SYNE1: variants seen among roughly 807,000 people sequenced by gnomAD.
The protein encoded by SYNE1 is spectrin repeat containing nuclear envelope protein 1, also known as nesprin-1.
SYNE1 carries 616 observed loss-of-function variants against 1,111.0 expected under a neutral mutation model. That is an observed-to-expected ratio of 0.55 (90% CI 0.52 to 0.59). The LOEUF is 0.59. Among genes scored for constraint, SYNE1 ranks in the 20% least tolerant of loss-of-function variants. The pLI, the probability that SYNE1 is intolerant of heterozygous loss-of-function variation, is 0.00. For synonymous variants in SYNE1, 3,855 were observed against 3,825.8 expected, an observed-to-expected ratio of 1.01 and a Z score of -0.28; for missense variants, 10,006 against 10,417.0, an observed-to-expected ratio of 0.96 and a Z score of 1.72.
intron 3 of SYNE1, among the ~76,000 whole-genome samples, chr6:152,621,927 A>G (rs2099676342): frequency 6.6e-6 from 1 of 152,214 alleles, no homozygotes; most frequent in South Asian, 2.1e-4. Flanking sequence ...AAATTCAGAT[A>G]CACATTCTTC....
chr6:152,313,079 C>G (rs1030971984), intron 87 of SYNE1, among the ~76,000 whole-genome samples: 1 of 152,064 alleles, frequency 6.6e-6, no homozygotes, highest in Non-Finnish European at 1.5e-5. Context: ...TATAAGACAA[C>G]AAAGCAAAAA....
At position 152,417,022 on chromosome 6, in the gene SYNE1, G is replaced by C. The variant is rs757136765; in HGVS notation, c.5422-7C>G. 6.2e-7 allele frequency: 1 copy of C among 1,613,774 alleles called. No individual in the cohort carries two copies. Among genetic ancestry groups the C allele is most frequent in the Admixed American group, 1.7e-5 (1 of 60,026 alleles). ...CTACTTCTGCTGCGTGGTCCTGGAA[G>C]GGAAGAGAGAGTTATTGATTCCTGA... On this transcript the variant is annotated splice_polypyrimidine_tract_variant and splice_region_variant and intron_variant, in intron 40 of 145. Transcript: ENST00000367255.
At chr6:152,597,710 T>C (rs1203505159) in intron 3 of SYNE1, among the ~76,000 whole-genome samples, 1 of 152,174 alleles carries the variant, frequency 6.6e-6, no homozygotes, top group African/African-American at 2.4e-5. Flanking sequence ...TGTAATGAAT[T>C]CTTTCTTTTG....
chr6:152,325,210 G>A lies in SYNE1; in HGVS notation c.15531C>T (p.Ser5177=). ...SQLEKTGNDA[S]KATLSRSMTT... ...TCATTGACCTGCTCAGGGTGGCTTT[G>A]CTGGCATCATTTCCGGTTTTCTCCA... The change falls in exon 81 of 146, where the codon AGC becomes AGT. Residue 5177 remains serine, a synonymous_variant. Coordinates refer to ENST00000367255, the MANE Select transcript of SYNE1 (RefSeq NM_182961.4). The A allele has an allele frequency of 6.2e-7, 1 of 1,614,154 alleles. No homozygotes were observed. Among genetic ancestry groups the A allele is most frequent in the Non-Finnish European group, 8.5e-7 (1 of 1,180,038 alleles).
chr6:152,625,363 A>G (rs1247396910), intron 3 of SYNE1, among the ~76,000 whole-genome samples: 1 of 152,228 alleles, frequency 6.6e-6, no homozygotes, highest in African/African-American at 2.4e-5. Flanking sequence ...CAACTGAATC[A>G]GCAGAATTAA....
chr6:152,386,761 T>A (rs190547020), intron 54 of SYNE1, among the ~76,000 whole-genome samples: 1 of 151,974 alleles, frequency 6.6e-6, no homozygotes, highest in African/African-American at 2.4e-5. Context: ...AAAACAACTT[T>A]AACGGCGACA....
chr6:152,299,911 G>T (rs902146550), intron 93 of SYNE1, among the ~76,000 whole-genome samples: 2 of 151,954 alleles, frequency 1.3e-5, no homozygotes, highest in Admixed American at 6.6e-5. Context: ...AAAAAATAAA[G>T]TATTACTTAA....
At chr6:152,278,456 A>G (rs749858034) in intron 97 of SYNE1, among the ~76,000 whole-genome samples, 176 bp from the exon 98 acceptor site, 25 of 150,668 alleles carry the variant, frequency 1.7e-4, no homozygotes, top group Non-Finnish European at 3.3e-4. Context: ...TTTTTTTTAT[A>G]TTTTTTAATT....
chr6:152,368,902 C>A lies in SYNE1; in HGVS notation c.9807+70G>T, dbSNP rs562196291. On this transcript the variant is annotated intron_variant, in intron 61 of 145. Coordinates refer to ENST00000367255, the MANE Select transcript of SYNE1 (RefSeq NM_182961.4). ...GGGTCAGGATGCAATGCACACCCTG[C>A]AGAACCTGCTGCAACTCCAATTTTG... 1.0e-5 allele frequency: 16 copies of A among 1,607,670 alleles called. No individual in the cohort carries two copies. The African/African-American group carries it at 2.1e-4, about 21-fold the overall frequency.
intron 20 of SYNE1, 24 bp downstream of exon 20, chr6:152,462,714 C>T: frequency 1.9e-6 from 3 of 1,613,798 alleles, no homozygotes; most frequent in Non-Finnish European, 2.5e-6. Context: ...GTAGGCTTTT[C>T]ATTTTGATTC....
In SYNE1 at chr6:152,140,005, C is replaced by T. The variant is rs143049227; in HGVS notation, c.25403G>A (p.Arg8468His). The change falls in exon 140 of 146, where the codon CGT (arginine) becomes CAT (histidine). Residue 8468 changes from arginine (R) to histidine (H), a missense_variant. Arg to His is a conservative substitution (Grantham distance 29). Around this residue, in one of 7 missense-constraint regions of SYNE1, gnomAD observed 761 missense variants for 795.5 expected, o/e 0.96. Coordinates refer to ENST00000367255, the MANE Select transcript of SYNE1 (RefSeq NM_182961.4). The stretch of plus-strand genomic sequence containing the variant: ...CTGGATGTCAGTGCTGAGTTCCAGA[C>T]GCTGGAGCTGTTCCAACTCCTCCTC... Reference protein sequence around the residue: ...DTEEELEQLQRLELSTDIQTI... With the variant: ...DTEEELEQLQHLELSTDIQTI... 351 of 1,614,022 alleles carry T rather than the reference C, an allele frequency of 2.2e-4. 2 individuals carry two copies. The highest frequency in any genetic ancestry group is 3.2e-4 in the African/African-American group (24 of 74,926).
intron 131 of SYNE1, among the ~76,000 whole-genome samples, chr6:152,158,417 AT>A (rs1220590115): frequency 1.3e-5 from 2 of 151,908 alleles, no homozygotes; most frequent in African/African-American, 2.4e-5. Flanking sequence ...TCTTCCTCTT[AT>A]TTTTTTCCTT....
chr6:152,562,340 C>T (rs912718947), intron 3 of SYNE1, among the ~76,000 whole-genome samples: 1 of 152,048 alleles, frequency 6.6e-6, no homozygotes, highest in Non-Finnish European at 1.5e-5. Context: ...GTTCAAACAA[C>T]CATGAGACAT....
At position 152,136,735 on chromosome 6, in the gene SYNE1, G is replaced by A. The variant is rs2057172397; in HGVS notation, c.25542C>T (p.Ser8514=). The A allele has an allele frequency of 6.2e-7, 1 of 1,614,114 alleles. No individual in the cohort carries two copies. Among genetic ancestry groups the A allele is most frequent in the Non-Finnish European group, 8.5e-7 (1 of 1,180,048 alleles). Residue 8514 remains serine, a synonymous_variant, in exon 141 of 146, where the codon AGC becomes AGT. Transcript: ENST00000367255. ...GATCCTGCAGGTCCCGGCTCTCCTTGCTGTCAGCCTGGGTGAACTCAGGGC... is the reference window on the plus strand; with the variant it reads ...GATCCTGCAGGTCCCGGCTCTCCTTACTGTCAGCCTGGGTGAACTCAGGGC... The part of the protein sequence containing the change: ...LCSPEFTQAD[S]KESRDLQDRL...
chr6:152,553,452 A>G (rs1252205753), intron 3 of SYNE1, among the ~76,000 whole-genome samples: 2 of 152,164 alleles, frequency 1.3e-5, no homozygotes, highest in Non-Finnish European at 2.9e-5. Flanking sequence ...CCCGTACTAT[A>G]TTAAAAACGA....
rs1453993488 is a variant in SYNE1 at position 152,636,823 on chromosome 6, C to T, written c.-391-18G>A. The T allele has an allele frequency of 6.6e-6, 1 of 152,346 alleles. No individual in the cohort carries two copies. The highest frequency in any genetic ancestry group is 2.4e-5 in the African/African-American group (1 of 41,460). The allele number at this position is 152,346 out of a possible 1,614,324, so 9.4% of individuals were successfully genotyped here. A position where few individuals can be genotyped will look rare whatever the true frequency, so the allele number is the denominator to read the frequency against. ...CAGCCGCCCTGGTGACAGAGGACAA[C>T]AATCTCAGCCCGCTGCGGCCGGCGG... is the stretch of plus-strand genomic sequence containing the variant. On this transcript the variant is annotated intron_variant, in intron 1 of 145. Transcript: ENST00000367255.
At chr6:152,569,056 A>C (rs1337956596) in intron 3 of SYNE1, among the ~76,000 whole-genome samples, 1 of 152,198 alleles carries the variant, frequency 6.6e-6, no homozygotes, top group East Asian at 1.9e-4. Context: ...TATTGCTCCT[A>C]GTCTCAGTAT....
At chr6:152,402,957 A>G (rs185446159) in intron 46 of SYNE1, among the ~76,000 whole-genome samples, 1 of 152,232 alleles carries the variant, frequency 6.6e-6, no homozygotes, top group East Asian at 1.9e-4. Context: ...GTGTCTTCTT[A>G]CTTCACACGA....
At position 152,325,898 on chromosome 6, in the gene SYNE1, T is replaced by G. The variant is rs570991831; in HGVS notation, c.15438+60A>C. The G allele has an allele frequency of 5.7e-5, 90 of 1,591,080 alleles. No individual in the cohort carries two copies. In the African/African-American group the frequency reaches 1.1e-3, roughly 19 times the overall value. ...AGAAATGAAGATTTATTGATCATGTTGCAAAGACTCATTATAATTATAGAA... is the reference window on the plus strand; with the variant it reads ...AGAAATGAAGATTTATTGATCATGTGGCAAAGACTCATTATAATTATAGAA... On this transcript the variant is annotated intron_variant, in intron 80 of 145. Coordinates refer to ENST00000367255, the MANE Select transcript of SYNE1 (RefSeq NM_182961.4).
Sources: allele counts gnomAD v4.1 joint callset (sites outside exome capture counted in the v4.1 genomes callset), GRCh38; gene constraint gnomAD v4.1.1; regional missense constraint gnomAD v4.1.1; transcripts MANE v1.5; gene names NCBI Gene and HGNC (gene_info 2026-07-23, HGNC 2026-07-21).